Variants in QTMAN observed in about 807,000 individuals in gnomAD.
QTMAN encodes the protein tRNA-queuosine alpha-mannosyltransferase.
At chr2:144,261,243 T>C in the QTMAN span, among the ~76,000 whole-genome samples, 1 of 152,176 alleles carries the variant, frequency 6.6e-6, no homozygotes, top group Admixed American at 6.5e-5. Context: ...GTTGCTCTTT[T>C]TAAGAAACAA....
chr2:144,021,721 G>C, the QTMAN span, among the ~76,000 whole-genome samples: 1 of 152,186 alleles, frequency 6.6e-6, no homozygotes, highest in Non-Finnish European at 1.5e-5. Flanking sequence ...AAAAAATGAA[G>C]AGTTATTTGG....
chr2:144,153,019 C>T, the QTMAN span, among the ~76,000 whole-genome samples: 1 of 152,002 alleles, frequency 6.6e-6, no homozygotes, highest in African/African-American at 2.4e-5. Context: ...TCAGGGGTGG[C>T]AGAAGAGGCC....
the QTMAN span, among the ~76,000 whole-genome samples, chr2:144,176,120 T>C: frequency 8.3e-4 from 126 of 152,254 alleles, no homozygotes; most frequent in African/African-American, 2.9e-3. Flanking sequence ...ATAAATATTA[T>C]CAAACAGAAT....
the QTMAN span, among the ~76,000 whole-genome samples, chr2:144,266,923 G>A: frequency 3.9e-5 from 6 of 152,234 alleles, no homozygotes; most frequent in East Asian, 1.2e-3. Context: ...GAAGAACATG[G>A]GGCAATTTTA....
At chr2:144,173,062 C>T in the QTMAN span, among the ~76,000 whole-genome samples, 2 of 151,970 alleles carry the variant, frequency 1.3e-5, no homozygotes, top group Non-Finnish European at 1.5e-5. Context: ...TTTCTTTCAG[C>T]GTTTTGAAGG....
chr2:144,007,127 A>G, the QTMAN span: 25 of 993,504 alleles, frequency 2.5e-5, no homozygotes, highest in Admixed American at 5.6e-4. Flanking sequence ...TCAACAGAAT[A>G]TATTTTCTTT....
the QTMAN span, among the ~76,000 whole-genome samples, chr2:144,304,372 A>T: frequency 6.6e-6 from 1 of 152,204 alleles, no homozygotes; most frequent in African/African-American, 2.4e-5. Context: ...GCCTGCTAAA[A>T]CTGAAACTCT....
the QTMAN span, among the ~76,000 whole-genome samples, chr2:144,174,819 T>C: frequency 4.6e-5 from 7 of 152,208 alleles, no homozygotes; most frequent in Non-Finnish European, 7.3e-5. Flanking sequence ...TCCCCAGCCA[T>C]GTGGAACTGT....
At chr2:144,261,048 T>A in the QTMAN span, among the ~76,000 whole-genome samples, 1 of 152,220 alleles carries the variant, frequency 6.6e-6, no homozygotes, top group African/African-American at 2.4e-5. Context: ...TCTCTCACTC[T>A]GCTTTATTGT....
the QTMAN span, among the ~76,000 whole-genome samples, chr2:144,320,648 C>T: frequency 6.6e-6 from 1 of 152,186 alleles, no homozygotes; most frequent in Non-Finnish European, 1.5e-5. Context: ...TTATATCAAC[C>T]ATTCTCTGTA....
chr2:143,951,842 C>T, the QTMAN span: 3 of 567,184 alleles, frequency 5.3e-6, no homozygotes, highest in Middle Eastern at 9.7e-4. Context: ...TTAATTAATC[C>T]TTGTTAGTGT....
At chr2:143,990,456 G>A in the QTMAN span, among the ~76,000 whole-genome samples, 6,079 of 152,216 alleles carry the variant, frequency 0.04, 232 homozygotes, top group East Asian at 0.17. Context: ...AAAATTAGAA[G>A]GCTATTAAGT....
At chr2:144,208,551 A>G in the QTMAN span, 3 of 1,482,436 alleles carry the variant, frequency 2.0e-6, no homozygotes, top group South Asian at 1.2e-5. Context: ...CAACATCCTC[A>G]TAACAGGTAC....
At chr2:144,211,912 C>T in the QTMAN span, among the ~76,000 whole-genome samples, 2 of 152,192 alleles carry the variant, frequency 1.3e-5, no homozygotes, top group Non-Finnish European at 2.9e-5. Flanking sequence ...TGAATACAGA[C>T]ATTTTTGCAC....
At chr2:144,184,673 C>CA in the QTMAN span, among the ~76,000 whole-genome samples, 7 of 151,606 alleles carry the variant, frequency 4.6e-5, no homozygotes, top group East Asian at 1.9e-4. Flanking sequence ...ATAAATTAAC[C>CA]AAAAAAATCA....
At chr2:144,020,158 A>G in the QTMAN span, among the ~76,000 whole-genome samples, 1 of 142,992 alleles carries the variant, frequency 7.0e-6, no homozygotes, top group Non-Finnish European at 1.5e-5. Flanking sequence ...ATGATAGGGA[A>G]TGGGGGAAGG....
chr2:144,003,089 G>C, the QTMAN span, among the ~76,000 whole-genome samples: 1 of 151,712 alleles, frequency 6.6e-6, no homozygotes, highest in African/African-American at 2.4e-5. Flanking sequence ...TTGGTTCTTT[G>C]TTATTTTAAA....
chr2:144,328,561 A>G, the QTMAN span, among the ~76,000 whole-genome samples: 13 of 152,352 alleles, frequency 8.5e-5, no homozygotes, highest in East Asian at 5.8e-4. Flanking sequence ...GGGCACCAGA[A>G]TAATTCCAGA....
chr2:144,324,224 T>C, the QTMAN span, among the ~76,000 whole-genome samples: 1 of 152,198 alleles, frequency 6.6e-6, no homozygotes, highest in Non-Finnish European at 1.5e-5. Context: ...TGTATATAAA[T>C]AAACTGATAA....
Sources: allele counts gnomAD v4.1 joint callset (sites outside exome capture counted in the v4.1 genomes callset), GRCh38; gene constraint gnomAD v4.1.1; transcripts MANE v1.5; gene names NCBI Gene and HGNC (gene_info 2026-07-23, HGNC 2026-07-21).